ROBO2: variants seen among roughly 807,000 people sequenced by gnomAD.
The protein encoded by ROBO2 is roundabout guidance receptor 2.
ROBO2 carries 53 observed loss-of-function variants against 160.8 expected under a neutral mutation model. That is an observed-to-expected ratio of 0.33 (90% CI 0.26 to 0.41). The LOEUF (loss-of-function observed/expected upper bound fraction) is 0.41, where lower values mean the gene tolerates loss of function less well. Ranked by LOEUF, ROBO2 falls within the 10% of genes least tolerant of loss-of-function variation. The pLI, the probability that ROBO2 is intolerant of heterozygous loss-of-function variation, is 1.00. For missense variants in ROBO2, 1,577 were observed against 1,722.4 expected (o/e 0.92, Z 1.49); for synonymous variants, 664 against 611.7 (o/e 1.09, Z -1.26).
chr3:76,446,126 T>C (rs1228899766), intron 2 of ROBO2, among the ~76,000 whole-genome samples: 2 of 152,184 alleles, frequency 1.3e-5, no homozygotes, highest in Non-Finnish European at 2.9e-5. Flanking sequence ...GACATGATTG[T>C]ACATTTAGAA....
intron 2 of ROBO2, among the ~76,000 whole-genome samples, chr3:76,614,426 G>A (rs1478257119): frequency 6.6e-6 from 1 of 151,974 alleles, no homozygotes; most frequent in Non-Finnish European, 1.5e-5. Flanking sequence ...CATAATACTT[G>A]TTATCATTAA....
intron 2 of ROBO2, among the ~76,000 whole-genome samples, chr3:76,867,234 A>C (rs894077457): frequency 2.8e-4 from 42 of 152,126 alleles, no homozygotes; most frequent in African/African-American, 9.4e-4. Context: ...GTTCAGTGAA[A>C]AACTTGTCAT....
chr3:76,989,390 G>A (rs1417850365), intron 2 of ROBO2, among the ~76,000 whole-genome samples: 1 of 151,788 alleles, frequency 6.6e-6, no homozygotes, highest in Non-Finnish European at 1.5e-5. Flanking sequence ...ACCCTATTAT[G>A]GTCTAATGAG....
At position 77,043,575 on chromosome 3, in the gene ROBO2, G is replaced by C. The variant is rs558963823; in HGVS notation, c.61+2729G>C. On this transcript the variant is annotated intron_variant, in intron 1 of 25. Coordinates refer to ENST00000461745, the Ensembl canonical transcript of ROBO2. ...TTTTCTATTTGGGATGTAAATAATG[G>C]TTTTCTTATTGATGCAGATTAATCA... is the stretch of plus-strand genomic sequence containing the variant. 4.1e-4 allele frequency among the ~76,000 whole-genome samples: 62 copies of C among 152,204 alleles called. No homozygotes were observed. The South Asian group carries it at 0.012, about 29-fold the overall frequency.
chr3:76,880,471 T>C (rs750815599), intron 2 of ROBO2, among the ~76,000 whole-genome samples: 5 of 152,160 alleles, frequency 3.3e-5, no homozygotes, highest in Non-Finnish European at 5.9e-5. Flanking sequence ...TGTCCTGAAA[T>C]GGTGTAAGTG....
chr3:77,276,696 G>A (rs992800710), intron 2 of ROBO2, among the ~76,000 whole-genome samples: 1 of 152,132 alleles, frequency 6.6e-6, no homozygotes, highest in Non-Finnish European at 1.5e-5. Context: ...AGACCAGCCT[G>A]GGCAACTGGA....
intron 2 of ROBO2, among the ~76,000 whole-genome samples, chr3:76,144,822 G>T (rs1028921614): frequency 6.6e-5 from 10 of 151,892 alleles, no homozygotes; most frequent in Non-Finnish European, 1.2e-4. Flanking sequence ...ACATTTTCCT[G>T]AAAAGAGTTC....
At chr3:77,361,162 T>A (rs78568140) in intron 2 of ROBO2, among the ~76,000 whole-genome samples, 2,964 of 152,300 alleles carry the variant, frequency 0.019, 32 homozygotes, top group Non-Finnish European at 0.03. Flanking sequence ...CCAGATTAAA[T>A]GCAGTTTGCC....
chr3:76,847,442 G>A (rs1254689184), intron 2 of ROBO2, among the ~76,000 whole-genome samples: 4 of 152,106 alleles, frequency 2.6e-5, no homozygotes, highest in East Asian at 3.9e-4. Flanking sequence ...AATCACAGTG[G>A]CAGACTATTG....
At chr3:77,081,777 T>C (rs559264799) in intron 1 of ROBO2, among the ~76,000 whole-genome samples, 2 of 152,302 alleles carry the variant, frequency 1.3e-5, no homozygotes, top group South Asian at 4.1e-4. Context: ...TAAATGGAGA[T>C]GTAGACACAG....
intron 14 of ROBO2, among the ~76,000 whole-genome samples, chr3:77,575,103 TG>T (rs1018254073): frequency 4.6e-5 from 7 of 152,118 alleles, no homozygotes; most frequent in Admixed American, 2.6e-4. Context: ...TATAGTTAAG[TG>T]TGACATTTTC....
intron 2 of ROBO2, among the ~76,000 whole-genome samples, chr3:76,745,911 C>T (rs1419438824): frequency 1.3e-5 from 2 of 149,678 alleles, no homozygotes; most frequent in African/African-American, 2.5e-5. Context: ...TATACATGTG[C>T]CATGCTGGTG....
chr3:77,563,285 C>G (rs768168314), exon 11 of ROBO2: 1 of 1,613,428 alleles, frequency 6.2e-7, no homozygotes, highest in Non-Finnish European at 8.5e-7. Flanking sequence ...AGCCAGGTAC[C>G]CCTGGAACCC....
rs950933616 is a variant in ROBO2 at position 77,435,336 on chromosome 3, A to G, written c.389-42078A>G. The stretch of plus-strand genomic sequence containing the variant: ...CCTCCTTTTTGCAGTACATTGATGG[A>G]AAGTATTTTATTTCATATCATATTT... On this transcript the variant is annotated intron_variant, in intron 2 of 25. Coordinates refer to ENST00000461745, the Ensembl canonical transcript of ROBO2. 1.8e-4 allele frequency among the ~76,000 whole-genome samples: 28 copies of G among 152,116 alleles called. No individual in the cohort carries two copies. The Middle Eastern group carries it at 0.01, about 55-fold the overall frequency.
rs1947102033 is a variant in ROBO2, at chr3:75,922,469, AGC to A, written c.-13-15011_-13-15010del. ...ATGTGTAAAAAGCAAATATCTAATC[AGC>A]AGCAAGTGTTTGCAATTCACTTGAC... On this transcript the variant is annotated intron_variant, in intron 1 of 26. Transcript: ENST00000487694. 2.6e-5 allele frequency among the ~76,000 whole-genome samples: 4 copies of A among 152,076 alleles called. No individual in the cohort carries two copies. The South Asian group carries it at 8.3e-4, about 31-fold the overall frequency.
intron 2 of ROBO2, among the ~76,000 whole-genome samples, chr3:76,785,118 A>G (rs1027685773): frequency 1.3e-5 from 2 of 150,784 alleles, no homozygotes; most frequent in Non-Finnish European, 3.0e-5. Context: ...TTTTTTCTTT[A>G]TCTTCTCTAT....
intron 2 of ROBO2, among the ~76,000 whole-genome samples, chr3:77,111,036 T>G (rs2073512567): frequency 6.6e-6 from 1 of 152,104 alleles, no homozygotes; most frequent in African/African-American, 2.4e-5. Flanking sequence ...GAGAAAATCC[T>G]TTGTGTCTAG....
At chr3:76,447,485 G>A (rs1351491549) in intron 2 of ROBO2, among the ~76,000 whole-genome samples, 8 of 147,810 alleles carry the variant, frequency 5.4e-5, no homozygotes, top group East Asian at 2.0e-4. Flanking sequence ...TCAGTGTGGC[G>A]ATTCCTCAGG....
chr3:76,768,411 G>A (rs1223455706), intron 2 of ROBO2, among the ~76,000 whole-genome samples: 4 of 151,284 alleles, frequency 2.6e-5, no homozygotes, highest in Non-Finnish European at 5.9e-5. Context: ...CCGGAGTTTT[G>A]CCATCTTGAT....
Sources: allele counts gnomAD v4.1 joint callset (sites outside exome capture counted in the v4.1 genomes callset), GRCh38; gene constraint gnomAD v4.1.1; transcripts MANE v1.5; gene names NCBI Gene and HGNC (gene_info 2026-07-23, HGNC 2026-07-21).